ARFGEF2: variants seen among roughly 807,000 people sequenced by gnomAD.
The protein encoded by ARFGEF2 is brefeldin A-inhibited guanine nucleotide-exchange protein 2.
ARFGEF2 carries 74 observed loss-of-function variants against 219.9 expected under a neutral mutation model. That is an observed-to-expected ratio of 0.34 (90% CI 0.28 to 0.41). The LOEUF (loss-of-function observed/expected upper bound fraction) is 0.41, where lower values mean the gene tolerates loss of function less well. ARFGEF2 is among the 10% of genes least tolerant of loss of function. ARFGEF2 has a pLI of 1.00. For synonymous variants in ARFGEF2, 733 were observed against 799.2 expected (o/e 0.92, Z 1.40); for missense variants, 1,743 against 2,218.3 (o/e 0.79, Z 4.30).
At chr20:48,942,036 A>C in intron 3 of ARFGEF2, 49 bp downstream of exon 3, 1 of 1,611,902 alleles carries the variant, frequency 6.2e-7, no homozygotes, top group Non-Finnish European at 8.5e-7. Flanking sequence ...TCCAAGCCAC[A>C]GTTGGTCCTT....
At chr20:48,925,231 G>A (rs566030956) in intron 1 of ARFGEF2, among the ~76,000 whole-genome samples, 6 of 152,294 alleles carry the variant, frequency 3.9e-5, no homozygotes, top group African/African-American at 9.6e-5. Context: ...CATAAATAGG[G>A]ACTGCCCAAG....
At chr20:49,002,608 A>ATTAT (rs79397767) in intron 25 of ARFGEF2, among the ~76,000 whole-genome samples, 14,752 of 151,978 alleles carry the variant, frequency 0.097, 924 homozygotes, top group Non-Finnish European at 0.13. Flanking sequence ...GGCTGACTTT[A>ATTAT]TTATTTATTT....
intron 26 of ARFGEF2, among the ~76,000 whole-genome samples, chr20:49,007,702 GTC>G (rs2091471170): frequency 6.7e-6 from 1 of 148,608 alleles, no homozygotes; most frequent in Non-Finnish European, 1.5e-5. Flanking sequence ...TCCTTGACAT[GTC>G]TCTCTTTCTC....
At chr20:48,987,880 C>T (rs893078022) in intron 16 of ARFGEF2, among the ~76,000 whole-genome samples, 6 of 152,128 alleles carry the variant, frequency 3.9e-5, no homozygotes, top group African/African-American at 7.2e-5. Context: ...CTCCACCTCC[C>T]GGGTTCAGGC....
chr20:48,990,811 G>T (rs766993587), intron 20 of ARFGEF2, among the ~76,000 whole-genome samples: 1 of 152,232 alleles, frequency 6.6e-6, no homozygotes, highest in Non-Finnish European at 1.5e-5. Flanking sequence ...AAGTCAATTA[G>T]AAAGGAGAGA....
intron 1 of ARFGEF2, among the ~76,000 whole-genome samples, chr20:48,937,459 G>C (rs2090966011): frequency 6.6e-6 from 1 of 152,102 alleles, no homozygotes; most frequent in Non-Finnish European, 1.5e-5. Context: ...TGTTGCTCAG[G>C]CTGGTCTGAG....
rs546943326 is a variant in ARFGEF2 at position 48,963,814 on chromosome 20, T to G, written c.839-16T>G. On this transcript the variant is annotated splice_polypyrimidine_tract_variant and intron_variant, in intron 6 of 38. Transcript: ENST00000371917. ...AAATGCCCACGTGTGTTTTGTATAT[T>G]TGGATGTGTGTGTAGGGACTGATGA... is the stretch of plus-strand genomic sequence containing the variant. The G allele has an allele frequency of 6.2e-7, 1 of 1,613,208 alleles. No homozygotes were observed. The highest frequency in any genetic ancestry group is 1.1e-5 in the South Asian group (1 of 91,052).
chr20:48,976,768 A>G (rs2091264818), intron 14 of ARFGEF2, among the ~76,000 whole-genome samples: 1 of 152,158 alleles, frequency 6.6e-6, no homozygotes, highest in Non-Finnish European at 1.5e-5. Context: ...AGATTGCGCC[A>G]CTGCACTCCA....
intron 1 of ARFGEF2, among the ~76,000 whole-genome samples, chr20:48,937,441 TTTTA>T (rs1319879552): frequency 1.3e-5 from 2 of 152,182 alleles, no homozygotes; most frequent in Non-Finnish European, 2.9e-5. Context: ...CTCCAAGTCT[TTTTA>T]CCATGTTGCT....
chr20:48,957,186 C>T (rs1271511371), intron 6 of ARFGEF2, among the ~76,000 whole-genome samples: 2 of 152,180 alleles, frequency 1.3e-5, no homozygotes, highest in African/African-American at 4.8e-5. Flanking sequence ...GAGTCACCCC[C>T]CTTCTAAAGA....
intron 15 of ARFGEF2, 33 bp downstream of exon 15, chr20:48,984,873 G>C (rs1391639326): frequency 6.2e-7 from 1 of 1,612,030 alleles, no homozygotes; most frequent in Admixed American, 1.7e-5. Flanking sequence ...TTGCATGTGA[G>C]TTCTGTCAGG....
At chr20:48,967,031 TAG>T (rs1279026212) in intron 8 of ARFGEF2, among the ~76,000 whole-genome samples, 2 of 152,174 alleles carry the variant, frequency 1.3e-5, no homozygotes, top group Non-Finnish European at 2.9e-5. Flanking sequence ...TTATTATTTG[TAG>T]AGACATGGTC....
intron 25 of ARFGEF2, among the ~76,000 whole-genome samples, chr20:49,002,435 C>T (rs1038328771): frequency 1.3e-5 from 2 of 152,116 alleles, no homozygotes; most frequent in African/African-American, 4.8e-5. Flanking sequence ...AGGCAACCAC[C>T]ATTCTACTCT....
intron 13 of ARFGEF2, 61 bp downstream of exon 13, chr20:48,974,935 A>G (rs1168871022): frequency 4.4e-6 from 6 of 1,367,144 alleles, no homozygotes; most frequent in Non-Finnish European, 6.2e-6. Context: ...GACTGCTAGG[A>G]ACAGTTGTCT....
At chr20:48,947,742 A>G (rs191414196) in intron 3 of ARFGEF2, among the ~76,000 whole-genome samples, 4 of 151,930 alleles carry the variant, frequency 2.6e-5, no homozygotes, top group Admixed American at 6.6e-5. Flanking sequence ...TGTGGTTCCA[A>G]CTACTCAGGA....
intron 37 of ARFGEF2, among the ~76,000 whole-genome samples, chr20:49,031,300 G>C (rs1429272430): frequency 1.6e-5 from 2 of 123,376 alleles, no homozygotes; most frequent in Non-Finnish European, 3.1e-5. Context: ...TGCAATCTCA[G>C]TTTACTGCAA....
At chr20:49,002,714 C>T (rs2091432431) in intron 25 of ARFGEF2, among the ~76,000 whole-genome samples, 1 of 152,228 alleles carries the variant, frequency 6.6e-6, no homozygotes. Flanking sequence ...CAGGTTCAAG[C>T]AATTCTCTTG....
intron 1 of ARFGEF2, among the ~76,000 whole-genome samples, chr20:48,935,551 C>T (rs935194172): frequency 2.0e-5 from 3 of 152,198 alleles, no homozygotes; most frequent in Admixed American, 2.0e-4. Flanking sequence ...CCTTTCCCCC[C>T]TTTCTATTCC....
rs544949794 is a variant in ARFGEF2 at position 49,014,052 on chromosome 20, C to G, written c.4179+92C>G. The G allele has an allele frequency of 3.9e-5, 61 of 1,545,780 alleles. No homozygotes were observed. The East Asian group carries it at 1.3e-3, about 33-fold the overall frequency. ...CTCTGGGGGCTGCATCATCGTCTAC[C>G]CAGAGTTCTTAAATACTGAGCAACT... On this transcript the variant is annotated intron_variant, in intron 30 of 38. Transcript: ENST00000371917.
Sources: allele counts gnomAD v4.1 joint callset (sites outside exome capture counted in the v4.1 genomes callset), GRCh38; gene constraint gnomAD v4.1.1; transcripts MANE v1.5; gene names NCBI Gene and HGNC (gene_info 2026-07-23, HGNC 2026-07-21).